Variants in TMCO4 observed in about 807,000 individuals in gnomAD.
TMCO4 encodes transmembrane and coiled-coil domains 4.
Under a neutral mutation model 64.7 loss-of-function variants are expected in TMCO4, and 58 were observed. The ratio of observed to expected loss-of-function variants is 0.90; its 90% CI spans 0.73 to 1.12. The LOEUF (loss-of-function observed/expected upper bound fraction) is 1.12, where lower values mean the gene tolerates loss of function less well. Among genes scored for constraint, TMCO4 ranks in the 50% most tolerant of loss-of-function variants. The pLI, the probability that TMCO4 is intolerant of heterozygous loss-of-function variation, is 0.00. For synonymous variants in TMCO4, 325 were observed against 346.1 expected (o/e 0.94, Z 0.68); for missense variants, 780 against 825.9 (o/e 0.94, Z 0.68).
At chr1:19,774,115 C>T (rs567608123) in intron 4 of TMCO4, among the ~76,000 whole-genome samples, 2 of 152,336 alleles carry the variant, frequency 1.3e-5, no homozygotes, top group East Asian at 3.9e-4. Flanking sequence ...ATTTGCCCCA[C>T]TGCAATTTAC....
intron 13 of TMCO4, among the ~76,000 whole-genome samples, chr1:19,730,107 G>C (rs2095424168): frequency 6.6e-6 from 1 of 152,352 alleles, no homozygotes; most frequent in East Asian, 1.9e-4. Flanking sequence ...CTGACCACAT[G>C]GTAGGAAGGC....
At chr1:19,742,831 C>A (rs1458361949) in intron 10 of TMCO4, among the ~76,000 whole-genome samples, 1 of 152,106 alleles carries the variant, frequency 6.6e-6, no homozygotes, top group Non-Finnish European at 1.5e-5. Flanking sequence ...GCGGGTGGAT[C>A]ATGAGGTGAA....
intron 13 of TMCO4, among the ~76,000 whole-genome samples, chr1:19,727,975 G>A (rs568148824): frequency 6.6e-6 from 1 of 152,118 alleles, no homozygotes; most frequent in Non-Finnish European, 1.5e-5. Context: ...AATACCATAC[G>A]TTCTCATTTA....
chr1:19,746,652 C>T (rs979941707), intron 8 of TMCO4, 53 bp from the exon 9 acceptor site: 17 of 1,558,564 alleles, frequency 1.1e-5, no homozygotes, highest in African/African-American at 1.1e-4. Context: ...TGGCTGGACG[C>T]GGTGGCTCAC....
At chr1:19,768,021 G>A (rs2042813583) in intron 6 of TMCO4, among the ~76,000 whole-genome samples, 1 of 151,874 alleles carries the variant, frequency 6.6e-6, no homozygotes, top group South Asian at 2.1e-4. Context: ...GAACCCGGGA[G>A]GCAGAGGTTG....
At chr1:19,748,834 G>GTGAA (rs67937049) in intron 7 of TMCO4, among the ~76,000 whole-genome samples, 37 of 141,290 alleles carry the variant, frequency 2.6e-4, no homozygotes, top group African/African-American at 4.3e-4. Context: ...GAATGAATGA[G>GTGAA]TGAATGAATG....
chr1:19,786,668 G>A lies in TMCO4; in HGVS notation c.-9+358C>T, dbSNP rs188087706. Among the ~76,000 whole-genome samples, 568 of 152,362 alleles carry A rather than the reference G, an allele frequency of 3.7e-3. 4 individuals carry two copies. The highest frequency in any genetic ancestry group is 0.02 in the Middle Eastern group (6 of 294). On this transcript the variant is annotated intron_variant, in intron 3 of 15. Transcript: ENST00000294543. ...CCTTGTAAAGGCAACGGCCATGCGGGAGGCTGAATGAGGGTGCATGGAACC... is the reference window on the plus strand; with the variant it reads ...CCTTGTAAAGGCAACGGCCATGCGGAAGGCTGAATGAGGGTGCATGGAACC...
intron 6 of TMCO4, among the ~76,000 whole-genome samples, chr1:19,762,798 G>A (rs1570940391): frequency 6.6e-6 from 1 of 152,172 alleles, no homozygotes; most frequent in East Asian, 1.9e-4. Flanking sequence ...CTCCATCTCT[G>A]AGCATGGAGG....
intron 3 of TMCO4, among the ~76,000 whole-genome samples, 175 bp from the exon 4 acceptor site, chr1:19,780,941 G>A (rs1428213771): frequency 2.0e-5 from 3 of 152,066 alleles, no homozygotes; most frequent in South Asian, 2.1e-4. Flanking sequence ...CAGGATGGAG[G>A]GAGGGATCTT....
Position 19,745,558 on chromosome 1 carries a change from G to A in TMCO4, c.851C>T (p.Thr284Met), listed in dbSNP as rs777608126. 20 of 1,614,032 alleles carry A rather than the reference G, an allele frequency of 1.2e-5. No individual in the cohort carries two copies. The highest frequency in any genetic ancestry group is 7.7e-5 in the South Asian group (7 of 91,088). ...GRQLHITIAVTGWLASGKYRT... is the reference protein window; with the variant it reads ...GRQLHITIAVMGWLASGKYRT... ...GTATTTGCCAGAAGCGAGCCACCCC[G>A]TGACGGCGATGGTGATGTGCAGCTG... is the stretch of plus-strand genomic sequence containing the variant. Residue 284 changes from threonine to methionine, a missense_variant, in exon 10 of 16, where the codon ACG (threonine) becomes ATG (methionine). Thr to Met is a moderately conservative substitution (Grantham distance 81, BLOSUM62 -1). Transcript: ENST00000294543.
intron 15 of TMCO4, among the ~76,000 whole-genome samples, chr1:19,689,009 T>G (rs770053660): frequency 2.0e-5 from 3 of 152,056 alleles, no homozygotes; most frequent in Non-Finnish European, 4.4e-5. Context: ...GGAGGGCAGC[T>G]TCATTCACCC....
chr1:19,752,896 G>T (rs934136540), intron 7 of TMCO4, among the ~76,000 whole-genome samples: 2 of 151,406 alleles, frequency 1.3e-5, no homozygotes, highest in Non-Finnish European at 2.9e-5. Flanking sequence ...AGGCATTCAG[G>T]AAAAATCTGA....
At chr1:19,759,213 C>A (rs1367115868) in intron 6 of TMCO4, among the ~76,000 whole-genome samples, 2 of 151,238 alleles carry the variant, frequency 1.3e-5, no homozygotes, top group African/African-American at 2.4e-5. Flanking sequence ...TGTAACCCAA[C>A]AGCTGATGCT....
intron 13 of TMCO4, among the ~76,000 whole-genome samples, chr1:19,716,699 A>G (rs1172264574): frequency 6.6e-6 from 1 of 152,068 alleles, no homozygotes; most frequent in Non-Finnish European, 1.5e-5. Context: ...TGCTCTCTCG[A>G]AAAACAGGGA....
intron 15 of TMCO4, among the ~76,000 whole-genome samples, chr1:19,688,571 A>T (rs1371904249): frequency 1.3e-5 from 2 of 152,138 alleles, no homozygotes; most frequent in African/African-American, 4.8e-5. Context: ...TACATGTAAC[A>T]GGCTTATTGG....
chr1:19,699,486 C>CATATATATATATATAT (rs10587817), intron 14 of TMCO4, among the ~76,000 whole-genome samples: 4 of 136,412 alleles, frequency 2.9e-5, no homozygotes, highest in African/African-American at 1.1e-4. Context: ...TTTTCATATA[C>CATATATATATATATAT]ATATATATAT....
At chr1:19,770,454 C>T in intron 6 of TMCO4, 88 bp downstream of exon 6, 1 of 1,480,154 alleles carries the variant, frequency 6.8e-7, no homozygotes, top group Non-Finnish European at 9.4e-7. Context: ...GGGGACCCGG[C>T]CCCAGGTGGT....
At chr1:19,723,382 A>G (rs1557514761) in intron 13 of TMCO4, among the ~76,000 whole-genome samples, 1 of 152,148 alleles carries the variant, frequency 6.6e-6, no homozygotes, top group Admixed American at 6.5e-5. Flanking sequence ...GCCACTGGCC[A>G]GGACCCCATA....
intron 4 of TMCO4, among the ~76,000 whole-genome samples, chr1:19,773,497 A>C (rs1414484036): frequency 1.3e-5 from 2 of 152,200 alleles, no homozygotes; most frequent in Non-Finnish European, 2.9e-5. Context: ...CAGGTGCCCC[A>C]GGGAGGGGAC....
Sources: allele counts gnomAD v4.1 joint callset (sites outside exome capture counted in the v4.1 genomes callset), GRCh38; gene constraint gnomAD v4.1.1; transcripts MANE v1.5; gene names NCBI Gene and HGNC (gene_info 2026-07-23, HGNC 2026-07-21).